Variants in ADGRL3 observed in about 807,000 individuals in gnomAD.
ADGRL3 encodes calcium-independent alpha-latrotoxin receptor 3.
In ADGRL3, 62 loss-of-function variants were observed where a neutral mutation model predicts 153.5. The ratio of observed to expected loss-of-function variants is 0.40; its 90% CI spans 0.33 to 0.50. The LOEUF (loss-of-function observed/expected upper bound fraction) is 0.50. Among genes scored for constraint, ADGRL3 ranks in the 20% least tolerant of loss-of-function variants. ADGRL3 has a pLI of 0.47. For missense variants in ADGRL3, 1,641 were observed against 1,859.4 expected (o/e 0.88, Z 2.16); for synonymous variants, 710 against 672.5 (o/e 1.06, Z -0.86).
chr4:61,508,960 AT>A (rs1330856508), intron 3 of ADGRL3, among the ~76,000 whole-genome samples: 2 of 152,054 alleles, frequency 1.3e-5, no homozygotes, highest in African/African-American at 4.8e-5. Flanking sequence ...TGATAAAACC[AT>A]CAGATCTTGT....
chr4:61,266,041 G>A (rs952026801), intron 1 of ADGRL3, among the ~76,000 whole-genome samples: 2 of 151,948 alleles, frequency 1.3e-5, no homozygotes, highest in South Asian at 2.1e-4. Flanking sequence ...CATACAGGAT[G>A]TGATAACTTG....
intron 9 of ADGRL3, among the ~76,000 whole-genome samples, chr4:61,866,393 A>T (rs2098400392): frequency 1.3e-5 from 2 of 152,104 alleles, no homozygotes; most frequent in South Asian, 4.2e-4. Flanking sequence ...GGCATGAGAT[A>T]CTCTGCTCAT....
chr4:61,380,706 G>T (rs925204079), intron 1 of ADGRL3, among the ~76,000 whole-genome samples: 2 of 151,924 alleles, frequency 1.3e-5, no homozygotes, highest in Non-Finnish European at 2.9e-5. Flanking sequence ...ATAAAGTAAT[G>T]AAGCTATGAA....
intron 1 of ADGRL3, among the ~76,000 whole-genome samples, chr4:61,311,195 A>G (rs2094990117): frequency 6.6e-6 from 1 of 152,144 alleles, no homozygotes; most frequent in Non-Finnish European, 1.5e-5. Flanking sequence ...AACACCATAA[A>G]GTTTGGTTTC....
At chr4:61,558,349 C>T (rs2098778233) in intron 4 of ADGRL3, among the ~76,000 whole-genome samples, 1 of 151,366 alleles carries the variant, frequency 6.6e-6, no homozygotes, top group African/African-American at 2.4e-5. Context: ...TTCTAGTCTG[C>T]ATTGGATGCT....
rs575349827 is a variant in ADGRL3, at chr4:61,499,301, A to C, written c.55+1953A>C. On this transcript the variant is annotated intron_variant, in intron 3 of 26. Transcript: ENST00000683033. ...AAAAGGGGAGTATCCTACTTATTCA[A>C]CAATCTCAACCATCTTGTTTTAAGC... Among the ~76,000 whole-genome samples the C allele has an allele frequency of 2.8e-4, 43 of 152,326 alleles. 2 individuals carry two copies. In the East Asian group the frequency reaches 3.5e-3, roughly 12 times the overall value.
chr4:61,945,820 C>A (rs991799411), intron 15 of ADGRL3, among the ~76,000 whole-genome samples: 2 of 151,992 alleles, frequency 1.3e-5, no homozygotes, highest in Admixed American at 1.3e-4. Context: ...CACACACTGG[C>A]CTGCGCCCAC....
At chr4:61,308,552 GT>G (rs1257504029) in intron 1 of ADGRL3, among the ~76,000 whole-genome samples, 3 of 152,104 alleles carry the variant, frequency 2.0e-5, no homozygotes, top group Non-Finnish European at 4.4e-5. Flanking sequence ...CTGCTAGTGT[GT>G]TAACTCAGTC....
intron 4 of ADGRL3, among the ~76,000 whole-genome samples, chr4:61,571,529 T>G (rs2098838873): frequency 6.6e-6 from 1 of 151,630 alleles, no homozygotes; most frequent in Admixed American, 6.6e-5. Flanking sequence ...ACATAAAAAG[T>G]CTCAGACCTG....
At chr4:61,713,902 G>T (rs1015350975) in intron 6 of ADGRL3, among the ~76,000 whole-genome samples, 1 of 152,118 alleles carries the variant, frequency 6.6e-6, no homozygotes, top group Admixed American at 6.6e-5. Flanking sequence ...CAATCATCAG[G>T]TGTATCTAAG....
At chr4:61,421,773 T>G (rs1045043848) in intron 2 of ADGRL3, among the ~76,000 whole-genome samples, 1 of 152,168 alleles carries the variant, frequency 6.6e-6, no homozygotes, top group African/African-American at 2.4e-5. Flanking sequence ...TAATGACAGA[T>G]AGTTCTATGG....
chr4:61,719,483 T>C (rs1236856056), intron 6 of ADGRL3, among the ~76,000 whole-genome samples: 2 of 152,360 alleles, frequency 1.3e-5, no homozygotes, highest in East Asian at 3.9e-4. Context: ...AGATACATGA[T>C]TAATAAAACA....
intron 6 of ADGRL3, among the ~76,000 whole-genome samples, chr4:61,700,390 T>G (rs572944740): frequency 6.6e-6 from 1 of 152,312 alleles, no homozygotes; most frequent in Non-Finnish European, 1.5e-5. Flanking sequence ...CAAATTTTGA[T>G]TGAAGAGTAT....
rs756829696 is a variant in ADGRL3, at chr4:62,077,764, A to C, written c.*6856A>C. 2.0e-5 allele frequency: 3 copies of C among 152,010 alleles called. No individual in the cohort carries two copies. Among genetic ancestry groups the C allele is most frequent in the Non-Finnish European group, 2.9e-5 (2 of 67,888 alleles). 9.4% of individuals were successfully genotyped at this position (152,010 alleles called of 1,614,324 possible). ...CATTTAAATTTGGTTTTCATGACTC[A>C]TTTGAGAATAAAGATTTCCTTCATC... is the stretch of plus-strand genomic sequence containing the variant. On this transcript the variant is annotated 3_prime_UTR_variant, in exon 27 of 27. Transcript: ENST00000683033.
At chr4:61,879,951 C>T (rs1397009711) in intron 9 of ADGRL3, among the ~76,000 whole-genome samples, 1 of 152,094 alleles carries the variant, frequency 6.6e-6, no homozygotes, top group Non-Finnish European at 1.5e-5. Context: ...GTTTCAAATT[C>T]CTGGGCTCAA....
At chr4:61,538,626 G>C (rs2098671635) in intron 4 of ADGRL3, among the ~76,000 whole-genome samples, 1 of 152,040 alleles carries the variant, frequency 6.6e-6, no homozygotes, top group South Asian at 2.1e-4. Flanking sequence ...ATTTTTAGTA[G>C]AGACAGGGTT....
chr4:61,382,164 T>A (rs2096676411), intron 1 of ADGRL3, among the ~76,000 whole-genome samples: 1 of 151,800 alleles, frequency 6.6e-6, no homozygotes, highest in Non-Finnish European at 1.5e-5. Context: ...AATTCTAGAA[T>A]AGATAATGGA....
rs769339594 is a variant in ADGRL3 at position 61,892,955 on chromosome 4, A to G, written c.1780A>G (p.Ile594Val). ...IAKQPCPAGT[I>V]GVSTYLCLAP... is the part of the protein sequence containing the mutation. ...AAAGCAGCCATGCCCTGCAGGAACTATAGGTAAGTCTGTGCTAAAGCACTA... is the reference window on the plus strand; with the variant it reads ...AAAGCAGCCATGCCCTGCAGGAACTGTAGGTAAGTCTGTGCTAAAGCACTA... Residue 594 changes from isoleucine (I) to valine (V), a missense_variant, in exon 10 of 27, where the codon ATA (isoleucine) becomes GTA (valine). Ile to Val is a conservative substitution (Grantham distance 29, BLOSUM62 3). Coordinates refer to ENST00000683033, the MANE Select transcript of ADGRL3 (RefSeq NM_001387552.1). 3 of 1,517,800 alleles carry G rather than the reference A, an allele frequency of 2.0e-6. No individual in the cohort carries two copies. Among genetic ancestry groups the G allele is most frequent in the African/African-American group, 1.4e-5 (1 of 71,690 alleles). 94.0% of individuals were successfully genotyped at this position (1,517,800 alleles called of 1,614,324 possible).
chr4:61,886,889 C>T (rs1376604855), intron 9 of ADGRL3, among the ~76,000 whole-genome samples: 4 of 151,672 alleles, frequency 2.6e-5, no homozygotes, highest in South Asian at 4.2e-4. Context: ...TCAGATGATC[C>T]GCCTGCCTCA....
Sources: allele counts gnomAD v4.1 joint callset (sites outside exome capture counted in the v4.1 genomes callset), GRCh38; gene constraint gnomAD v4.1.1; transcripts MANE v1.5; gene names NCBI Gene and HGNC (gene_info 2026-07-23, HGNC 2026-07-21).